LRRK2: variants seen among roughly 807,000 people sequenced by gnomAD.
The protein encoded by LRRK2 is leucine-rich repeat serine/threonine-protein kinase 2.
Under a neutral mutation model 302.6 loss-of-function variants are expected in LRRK2, and 203 were observed. The ratio of observed to expected loss-of-function variants is 0.67; its 90% CI spans 0.60 to 0.75. The LOEUF is 0.75. Ranked by LOEUF, LRRK2 falls within the 30% of genes least tolerant of loss-of-function variation. The probability of loss-of-function intolerance (pLI) is 0.00; values close to 1 mark genes in which losing one functional copy is unlikely to be tolerated. For missense variants in LRRK2, 2,830 were observed against 2,951.0 expected (o/e 0.96, Z 0.95); for synonymous variants, 1,066 against 1,031.9 (o/e 1.03, Z -0.63).
At position 40,232,308 on chromosome 12, in the gene LRRK2, T is replaced by C. The variant is rs1282399809; in HGVS notation, c.272T>C (p.Val91Ala). 6.2e-7 allele frequency: 1 copy of C among 1,614,130 alleles called. No individual in the cohort carries two copies. The highest frequency in any genetic ancestry group is 1.7e-5 in the Admixed American group (1 of 60,024). The change falls in exon 3 of 51, where the codon GTC becomes GCC. Residue 91 changes from valine to alanine, a missense_variant. By Grantham distance (64) the Val-to-Ala change is moderately conservative. This residue lies in a region of LRRK2 where 2,121 missense variants were observed against 2,148.0 expected (regional missense o/e 0.99). Transcript: ENST00000298910. ...GWSLLCKLIE[V>A]CPGTMQSLMG... ...TCACTTCTGTGCAAATTAATAGAAGTCTGTCCAGGTACAATGCAAAGCTTA... is the reference window on the plus strand; with the variant it reads ...TCACTTCTGTGCAAATTAATAGAAGCCTGTCCAGGTACAATGCAAAGCTTA...
At chr12:40,227,114 T>A (rs1269335161) in intron 2 of LRRK2, among the ~76,000 whole-genome samples, 3 of 152,170 alleles carry the variant, frequency 2.0e-5, no homozygotes, top group Non-Finnish European at 4.4e-5. Flanking sequence ...TATTTCTGCC[T>A]AGAGAGTACC....
At chr12:40,248,498 G>T (rs972323784) in intron 7 of LRRK2, among the ~76,000 whole-genome samples, 2 of 152,012 alleles carry the variant, frequency 1.3e-5, no homozygotes, top group African/African-American at 4.8e-5. Context: ...ATCTCTTAGT[G>T]GATGATGATT....
chr12:40,359,369 G>A lies in LRRK2; in HGVS notation c.6953G>A (p.Gly2318Glu). 1 of 1,613,306 alleles carries A rather than the reference G, an allele frequency of 6.2e-7. No homozygotes were observed. Among genetic ancestry groups the A allele is most frequent in the Non-Finnish European group, 8.5e-7 (1 of 1,179,584 alleles). The change falls in exon 47 of 51, where the codon GGA becomes GAA. Residue 2318 changes from glycine to glutamate, a missense_variant. This residue lies in a region of LRRK2 where 456 missense variants were observed against 456.3 expected (regional missense o/e 1.00). Transcript: ENST00000298910. Reference sequence around the variant, plus strand: ...ACGGAAAGAAATGTAATGTGGGGAGGATGTGGCACAAAGATTTTCTCCTTT... The same window carrying A: ...ACGGAAAGAAATGTAATGTGGGGAGAATGTGGCACAAAGATTTTCTCCTTT... The part of the protein sequence containing the change: ...NSTERNVMWG[G>E]CGTKIFSFSN...
At chr12:40,298,874 CTATATATAATACTTATTATATATAT>C (rs1944507629) in intron 24 of LRRK2, among the ~76,000 whole-genome samples, 2 of 8,236 alleles carry the variant, frequency 2.4e-4, no homozygotes, top group East Asian at 2.8e-3. Flanking sequence ...TATATATATA[CTATATATAATACTTATTATATATAT>C]ACTATATATA....
rs201683993 is a variant in LRRK2, at chr12:40,356,180, C to A, written c.6836C>A (p.Thr2279Asn). The A allele has an allele frequency of 1.5e-5, 24 of 1,610,064 alleles. No homozygotes were observed. The highest frequency in any genetic ancestry group is 2.0e-5 in the Non-Finnish European group (24 of 1,177,646). ...AAGTTAGCAATTTTTGAAGATAAGA[C>A]TGTTAAGGTAAATGTTGAATGCATT... The part of the protein sequence containing the change: ...DGKLAIFEDK[T>N]VKLKGAAPLK... The change falls in exon 46 of 51, where the codon ACT becomes AAT. Residue 2279 changes from threonine (T) to asparagine (N), a missense_variant. By Grantham distance (65) the Thr-to-Asn change is moderately conservative. Transcript: ENST00000298910.
At chr12:40,274,518 A>G in intron 14 of LRRK2, 65 bp from the exon 15 acceptor site, 2 of 1,535,600 alleles carry the variant, frequency 1.3e-6, no homozygotes, top group South Asian at 1.1e-5. Flanking sequence ...TCAGTCTATA[A>G]CTGGTCTTAA....
intron 3 of LRRK2, 75 bp downstream of exon 3, chr12:40,232,458 CTG>C: frequency 9.5e-7 from 1 of 1,056,840 alleles, no homozygotes; most frequent in Non-Finnish European, 1.5e-6. Context: ...CCTTGATACA[CTG>C]TGTTTGCAAT....
intron 37 of LRRK2, among the ~76,000 whole-genome samples, chr12:40,322,949 C>T (rs999876882): frequency 4.6e-5 from 7 of 152,112 alleles, no homozygotes; most frequent in East Asian, 3.9e-4. Context: ...TACAAGTGAA[C>T]GTAGGAATAA....
rs1332846013 is a variant in LRRK2, at chr12:40,266,185, C to A, written c.1656+2284C>A. Among the ~76,000 whole-genome samples the A allele has an allele frequency of 2.0e-5, 3 of 152,116 alleles. No homozygotes were observed. The East Asian group carries it at 5.8e-4, about 29-fold the overall frequency. On this transcript the variant is annotated intron_variant, in intron 14 of 50. Coordinates refer to ENST00000298910, the MANE Select transcript of LRRK2 (RefSeq NM_198578.4). ...ATTAAACTAAAGAGCTTCTGCACAG[C>A]AAAAGAAACTACCATCAGAGTGAAC...
At chr12:40,315,770 AT>A (rs1945196856) in intron 33 of LRRK2, among the ~76,000 whole-genome samples, 1 of 150,912 alleles carries the variant, frequency 6.6e-6, no homozygotes. Context: ...GGCCTTGGTT[AT>A]AGCTATTTTT....
intron 18 of LRRK2, among the ~76,000 whole-genome samples, chr12:40,280,621 T>TTAAATAAAATAAAA (rs147801391): frequency 0.23 from 30,813 of 132,556 alleles, 4,160 homozygotes; most frequent in South Asian, 0.31. Flanking sequence ...CCAGACCCTG[T>TTAAATAAAATAAAA]TAAAATAAAA....
chr12:40,368,328 G>C lies in LRRK2; in HGVS notation c.*563G>C, dbSNP rs1946938717. On this transcript the variant is annotated 3_prime_UTR_variant, in exon 51 of 51. Coordinates refer to ENST00000298910, the MANE Select transcript of LRRK2 (RefSeq NM_198578.4). ...ATTCTCTTTGTTGCTGTTGCAAACA[G>C]TGCATCTTACACAACTTCACTCAAT... The C allele has an allele frequency of 6.6e-6, 1 of 151,910 alleles. No individual in the cohort carries two copies. Among genetic ancestry groups the C allele is most frequent in the Non-Finnish European group, 1.5e-5 (1 of 67,764 alleles). The allele number at this position is 151,910 out of a possible 1,614,324, so 9.4% of individuals were successfully genotyped here. A position where few individuals can be genotyped will look rare whatever the true frequency, so the allele number is the denominator to read the frequency against.
chr12:40,354,591 T>TA, intron 45 of LRRK2, 99 bp downstream of exon 45: 1 of 1,159,140 alleles, frequency 8.6e-7, no homozygotes. Flanking sequence ...TGTTCATTTT[T>TA]AGCCTATTTT....
In LRRK2 at chr12:40,305,788, C is replaced by T. The variant is rs202227573; in HGVS notation, c.3781C>T (p.Pro1261Ser). The change falls in exon 28 of 51, where the codon CCT (proline) becomes TCT (serine). Residue 1261 changes from proline to serine, a missense_variant. Pro to Ser is a moderately conservative substitution (Grantham distance 74). Transcript: ENST00000298910. The part of the protein sequence containing the change: ...HLSHNKLKEI[P>S]PEIGCLENLT... ...TGCCCTTTTTTTTCCCATTAAGATT[C>T]CTCCTGAGATTGGCTGTCTTGAAAA... The T allele has an allele frequency of 5.0e-6, 8 of 1,613,310 alleles. No individual in the cohort carries two copies. The South Asian group carries it at 7.7e-5, about 16-fold the overall frequency.
intron 29 of LRRK2, among the ~76,000 whole-genome samples, 159 bp from the exon 30 acceptor site, chr12:40,308,947 A>G (rs1277652597): frequency 6.6e-6 from 1 of 152,170 alleles, no homozygotes; most frequent in Non-Finnish European, 1.5e-5. Flanking sequence ...GGTCAATCCT[A>G]GTAAAAACCC....
Position 40,252,543 on chromosome 12 carries a change from T to A in LRRK2, c.1182-367T>A, listed in dbSNP as rs193237356. Among the ~76,000 whole-genome samples, 23 of 152,082 alleles carry A rather than the reference T, an allele frequency of 1.5e-4. No individual in the cohort carries two copies. In the East Asian group the frequency reaches 4.1e-3, roughly 27 times the overall value. On this transcript the variant is annotated intron_variant, in intron 10 of 50. Transcript: ENST00000298910. ...AAATATATTATTAAAACAAAGAAAATATATTTACGTTATACATCTTTAAAA... is the reference window on the plus strand; with the variant it reads ...AAATATATTATTAAAACAAAGAAAAAATATTTACGTTATACATCTTTAAAA...
At chr12:40,253,209 A>G (rs1405559149) in intron 11 of LRRK2, among the ~76,000 whole-genome samples, 193 bp downstream of exon 11, 1 of 152,162 alleles carries the variant, frequency 6.6e-6, no homozygotes, top group Non-Finnish European at 1.5e-5. Flanking sequence ...TAAAATAAAC[A>G]TTTGTTGTAT....
At chr12:40,327,148 C>T (rs186655060) in intron 38 of LRRK2, among the ~76,000 whole-genome samples, 148 of 152,174 alleles carry the variant, frequency 9.7e-4, no homozygotes, top group African/African-American at 3.5e-3. Flanking sequence ...TGCTAAATGT[C>T]GGTGGAGAGT....
intron 8 of LRRK2, 147 bp downstream of exon 8, chr12:40,250,092 A>G: frequency 1.0e-6 from 1 of 970,652 alleles, no homozygotes; most frequent in Non-Finnish European, 1.6e-6. Context: ...GGATACTTTC[A>G]AGGAAACTAA....
Sources: allele counts gnomAD v4.1 joint callset (sites outside exome capture counted in the v4.1 genomes callset), GRCh38; gene constraint gnomAD v4.1.1; regional missense constraint gnomAD v4.1.1; transcripts MANE v1.5; gene names NCBI Gene and HGNC (gene_info 2026-07-23, HGNC 2026-07-21).